The following RBFOX1 variants were observed in gnomAD, a reference collection of about 807,000 sequenced individuals.
RBFOX1 encodes RNA binding protein fox-1 homolog 1.
RBFOX1 carries 8 observed loss-of-function variants against 57.7 expected under a neutral mutation model. That is an observed-to-expected ratio of 0.14 (90% CI 0.08 to 0.25). The LOEUF is 0.25. Among genes scored for constraint, RBFOX1 ranks in the 10% least tolerant of loss-of-function variants. RBFOX1 has a pLI of 1.00. For synonymous variants in RBFOX1, 326 were observed against 222.4 expected (o/e 1.47, Z -4.15); for missense variants, 611 against 548.5 (o/e 1.11, Z -1.14).
At chr16:5,740,089 G>T (rs1406523826) in intron 3 of RBFOX1, among the ~76,000 whole-genome samples, 6 of 152,158 alleles carry the variant, frequency 3.9e-5, no homozygotes, top group East Asian at 1.9e-4. Context: ...GTTGGCAGTG[G>T]AGCCTCGTCC....
At chr16:7,066,130 A>G (rs913847959) in intron 4 of RBFOX1, among the ~76,000 whole-genome samples, 1 of 152,258 alleles carries the variant, frequency 6.6e-6, no homozygotes. Context: ...GTCATTAGGC[A>G]CAAACAAATG....
rs185305663 is a variant in RBFOX1, at chr16:7,259,752, C to T, written c.27+207654C>T. 4.6e-5 allele frequency among the ~76,000 whole-genome samples: 7 copies of T among 152,136 alleles called. 1 individual carries two copies. In the East Asian group the frequency reaches 1.4e-3, roughly 29 times the overall value. On this transcript the variant is annotated intron_variant, in intron 4 of 15. Transcript: ENST00000550418. Reference sequence around the variant, plus strand: ...GTAGTAACAATGCCACATGCTTTATCAATAGCTGGTGAGTTAATTGGGAGG... The same window carrying T: ...GTAGTAACAATGCCACATGCTTTATTAATAGCTGGTGAGTTAATTGGGAGG...
chr16:5,675,312 A>G (rs1178139545), intron 3 of RBFOX1, among the ~76,000 whole-genome samples: 1 of 152,214 alleles, frequency 6.6e-6, no homozygotes, highest in African/African-American at 2.4e-5. Flanking sequence ...GGGATGAACC[A>G]GCCCAGGAAG....
chr16:6,076,347 T>TACACAC (rs763484762), intron 1 of RBFOX1, among the ~76,000 whole-genome samples: 1 of 150,506 alleles, frequency 6.6e-6, no homozygotes, highest in African/African-American at 2.4e-5. Context: ...CACACACACA[T>TACACAC]ACACACACAC....
chr16:7,457,763 C>G (rs75575471), intron 4 of RBFOX1, among the ~76,000 whole-genome samples: 4,551 of 152,106 alleles, frequency 0.03, 217 homozygotes, highest in African/African-American at 0.1. Context: ...TGTGTGCAGT[C>G]TGGAAGGTTC....
chr16:5,476,695 C>A (rs1429969730), intron 2 of RBFOX1, among the ~76,000 whole-genome samples: 2 of 152,194 alleles, frequency 1.3e-5, no homozygotes, highest in African/African-American at 2.4e-5. Flanking sequence ...CCATGGATGC[C>A]TTTTAATTTA....
chr16:6,412,709 C>T (rs9938985), intron 2 of RBFOX1, among the ~76,000 whole-genome samples: 63,231 of 152,050 alleles, frequency 0.42, 13,992 homozygotes, highest in Non-Finnish European at 0.48. Context: ...ATGACACTCC[C>T]AGTTTTGTGG....
chr16:5,606,826 G>A (rs1382472933), intron 3 of RBFOX1, among the ~76,000 whole-genome samples: 1 of 152,182 alleles, frequency 6.6e-6, no homozygotes, highest in African/African-American at 2.4e-5. Context: ...CAGGTAGAAG[G>A]AACAGAATCA....
chr16:5,859,544 T>C (rs1168568358), intron 3 of RBFOX1, among the ~76,000 whole-genome samples: 1 of 152,160 alleles, frequency 6.6e-6, no homozygotes, highest in Non-Finnish European at 1.5e-5. Context: ...GAGATCAAGT[T>C]GAAGGTTCTG....
At chr16:7,217,879 C>T (rs1027116572) in intron 4 of RBFOX1, among the ~76,000 whole-genome samples, 7 of 150,114 alleles carry the variant, frequency 4.7e-5, no homozygotes, top group Non-Finnish European at 8.9e-5. Context: ...CGCGTGTGTG[C>T]ATGTGTGTGC....
intron 4 of RBFOX1, among the ~76,000 whole-genome samples, chr16:7,386,374 C>A (rs1437724040): frequency 6.6e-6 from 1 of 150,658 alleles, no homozygotes; most frequent in South Asian, 2.1e-4. Context: ...TAAAGCTATA[C>A]CCCCCAGCCC....
At chr16:5,609,256 A>G (rs1385223358) in intron 3 of RBFOX1, among the ~76,000 whole-genome samples, 2 of 152,200 alleles carry the variant, frequency 1.3e-5, no homozygotes, top group African/African-American at 4.8e-5. Flanking sequence ...GAATTGGTAG[A>G]TGCTATCTCA....
chr16:6,725,576 G>A (rs914499369), intron 3 of RBFOX1, among the ~76,000 whole-genome samples: 7 of 152,118 alleles, frequency 4.6e-5, no homozygotes, highest in African/African-American at 1.7e-4. Context: ...ATAATCAAGA[G>A]ATAATCATAA....
intron 4 of RBFOX1, among the ~76,000 whole-genome samples, chr16:5,935,457 G>A (rs773093952): frequency 6.6e-6 from 1 of 152,164 alleles, no homozygotes; most frequent in Admixed American, 6.5e-5. Flanking sequence ...TTGAATAATG[G>A]CAGAGAGGTC....
At chr16:5,316,239 A>G (rs973008698) in intron 1 of RBFOX1, among the ~76,000 whole-genome samples, 1 of 152,242 alleles carries the variant, frequency 6.6e-6, no homozygotes. Flanking sequence ...TTGTGACTCA[A>G]CAGGCTAGGG....
chr16:6,609,999 C>G (rs951876167), intron 2 of RBFOX1, among the ~76,000 whole-genome samples: 3 of 126,882 alleles, frequency 2.4e-5, no homozygotes, highest in African/African-American at 8.8e-5. Context: ...TAGTGTGAGG[C>G]TCTGACACAA....
intron 1 of RBFOX1, among the ~76,000 whole-genome samples, chr16:5,314,625 C>T (rs1480570897): frequency 6.6e-6 from 1 of 152,150 alleles, no homozygotes; most frequent in Non-Finnish European, 1.5e-5. Context: ...CTCAGCCTCC[C>T]TAGTAGCTGG....
chr16:6,755,805 A>G (rs1190648179), intron 3 of RBFOX1, among the ~76,000 whole-genome samples: 1 of 151,996 alleles, frequency 6.6e-6, no homozygotes, highest in Non-Finnish European at 1.5e-5. Context: ...TGTTGCCCCT[A>G]TTTGGAGCGA....
intron 1 of RBFOX1, among the ~76,000 whole-genome samples, chr16:5,268,831 C>T (rs1398663987): frequency 6.6e-6 from 1 of 152,208 alleles, no homozygotes; most frequent in Non-Finnish European, 1.5e-5. Context: ...CTGTTTCTCA[C>T]AGTGGCTACA....
Sources: allele counts gnomAD v4.1 joint callset (sites outside exome capture counted in the v4.1 genomes callset), GRCh38; gene constraint gnomAD v4.1.1; transcripts MANE v1.5; gene names NCBI Gene and HGNC (gene_info 2026-07-23, HGNC 2026-07-21).